CNTN4: variants seen among roughly 807,000 people sequenced by gnomAD.
The protein encoded by CNTN4 is contactin 4, also known as contactin-4.
A neutral mutation model predicts 122.5 loss-of-function variants in CNTN4; 77 were observed. That is an observed-to-expected ratio of 0.63 (90% CI 0.52 to 0.76). The LOEUF (loss-of-function observed/expected upper bound fraction) is 0.76, where lower values mean the gene tolerates loss of function less well. Ranked by LOEUF, CNTN4 falls within the 30% of genes least tolerant of loss-of-function variation. The pLI, the probability that CNTN4 is intolerant of heterozygous loss-of-function variation, is 0.00. For synonymous variants in CNTN4, 512 were observed against 447.0 expected (o/e 1.15, Z -1.83); for missense variants, 1,256 against 1,259.1 (o/e 1.00, Z 0.04).
rs1224967267 is a variant in CNTN4, at chr3:2,209,790, T to C, written c.-145+109151T>C. Among the ~76,000 whole-genome samples the C allele has an allele frequency of 3.9e-5, 6 of 152,148 alleles. No individual in the cohort carries two copies. In the East Asian group the frequency reaches 1.2e-3, roughly 29 times the overall value. ...GAAAATTTTAAGAATCAGTTGGCAA[T>C]TCCTGTGCTCCTTCTTTCCTCCTAT... On this transcript the variant is annotated intron_variant, in intron 2 of 24. Coordinates refer to ENST00000418658, the MANE Select transcript of CNTN4 (RefSeq NM_175607.3).
At chr3:2,174,064 C>T (rs954195337) in intron 2 of CNTN4, among the ~76,000 whole-genome samples, 13 of 152,058 alleles carry the variant, frequency 8.5e-5, no homozygotes, top group African/African-American at 2.2e-4. Flanking sequence ...AAATGAGTGT[C>T]GCTGAGCCTG....
intron 4 of CNTN4, among the ~76,000 whole-genome samples, chr3:2,628,029 A>G (rs191076717): frequency 9.9e-5 from 15 of 152,276 alleles, no homozygotes; most frequent in Middle Eastern, 3.4e-3. Flanking sequence ...GCTTCGTAGT[A>G]TAATTTGAGA....
chr3:2,587,212 C>T (rs959844284), intron 4 of CNTN4, among the ~76,000 whole-genome samples: 1 of 152,134 alleles, frequency 6.6e-6, no homozygotes, highest in African/African-American at 2.4e-5. Flanking sequence ...ATATGACACA[C>T]CACTCTCAGG....
At chr3:2,235,740 T>C (rs1219244948) in intron 2 of CNTN4, among the ~76,000 whole-genome samples, 3 of 152,186 alleles carry the variant, frequency 2.0e-5, no homozygotes, top group African/African-American at 7.2e-5. Flanking sequence ...GTATTATGCT[T>C]ATTCTTGGGC....
At chr3:2,798,389 C>CTATCTATCTATCTATCTATCTATCTATA (rs1475084704) in intron 6 of CNTN4, among the ~76,000 whole-genome samples, 1 of 150,668 alleles carries the variant, frequency 6.6e-6, no homozygotes, top group Non-Finnish European at 1.5e-5. Flanking sequence ...ATCTATCTAT[C>CTATCTATCTATCTATCTATCTATCTATA]TATATATCTA....
At chr3:2,723,103 T>C (rs900490627) in intron 4 of CNTN4, among the ~76,000 whole-genome samples, 2 of 152,192 alleles carry the variant, frequency 1.3e-5, no homozygotes, top group Admixed American at 1.3e-4. Flanking sequence ...TCCCACTATA[T>C]TTCTAGGTAA....
intron 12 of CNTN4, among the ~76,000 whole-genome samples, chr3:2,911,727 A>T (rs2094301939): frequency 6.6e-6 from 1 of 152,092 alleles, no homozygotes. Flanking sequence ...TATCAACGAG[A>T]TAAAAGATGA....
At chr3:2,902,086 G>T (rs546112965) in intron 11 of CNTN4, among the ~76,000 whole-genome samples, 1 of 152,246 alleles carries the variant, frequency 6.6e-6, no homozygotes, top group South Asian at 2.1e-4. Flanking sequence ...ATCTAGATTT[G>T]ATCAAAGTCT....
In CNTN4 at chr3:2,771,559, A is replaced by G. The variant is rs555716309; in HGVS notation, c.358+25862A>G. 2.6e-5 allele frequency among the ~76,000 whole-genome samples: 4 copies of G among 152,332 alleles called. No homozygotes were observed. In the South Asian group the frequency reaches 6.2e-4, roughly 24 times the overall value. On this transcript the variant is annotated intron_variant, in intron 6 of 24. Transcript: ENST00000418658. ...TATAATGGGGATGATGTGAGTATCA[A>G]TGGCCATTTTAAGGACCAATTGAGA...
intron 3 of CNTN4, among the ~76,000 whole-genome samples, chr3:2,568,094 A>G (rs559378562): frequency 5.9e-5 from 9 of 152,222 alleles, no homozygotes; most frequent in African/African-American, 2.2e-4. Context: ...GTTGAGCTGA[A>G]TTAGTACTGT....
chr3:2,866,358 A>G (rs1258567387), intron 7 of CNTN4: 2 of 424,696 alleles, frequency 4.7e-6, no homozygotes. Flanking sequence ...AATGATCTAA[A>G]TAGTTTCCAG....
intron 2 of CNTN4, among the ~76,000 whole-genome samples, chr3:2,328,406 A>C (rs1159133998): frequency 1.3e-5 from 2 of 152,170 alleles, no homozygotes; most frequent in African/African-American, 2.4e-5. Flanking sequence ...ACTCCGTCTC[A>C]AAAAATAAAA....
intron 2 of CNTN4, among the ~76,000 whole-genome samples, chr3:2,323,093 C>G (rs2043326275): frequency 6.6e-6 from 1 of 152,120 alleles, no homozygotes; most frequent in Non-Finnish European, 1.5e-5. Flanking sequence ...TCTCTTGCCT[C>G]TGGAGAGACT....
At chr3:3,030,642 A>G (rs991628237) in intron 15 of CNTN4, among the ~76,000 whole-genome samples, 1 of 152,196 alleles carries the variant, frequency 6.6e-6, no homozygotes, top group Non-Finnish European at 1.5e-5. Flanking sequence ...GAGAAGCCAG[A>G]CACCTGAGGT....
At chr3:2,395,477 C>T (rs2046607957) in intron 3 of CNTN4, among the ~76,000 whole-genome samples, 1 of 152,162 alleles carries the variant, frequency 6.6e-6, no homozygotes, top group African/African-American at 2.4e-5. Context: ...TCACATGGTA[C>T]ACTGTGCAGG....
At chr3:2,416,020 T>A (rs181250746) in intron 3 of CNTN4, among the ~76,000 whole-genome samples, 1 of 152,172 alleles carries the variant, frequency 6.6e-6, no homozygotes, top group East Asian at 1.9e-4. Flanking sequence ...CAATAGCCAT[T>A]TAATAAGCAT....
intron 23 of CNTN4, among the ~76,000 whole-genome samples, chr3:3,050,047 A>G (rs921500848): frequency 1.3e-5 from 2 of 152,078 alleles, no homozygotes; most frequent in Admixed American, 6.6e-5. Flanking sequence ...TAGAGAGCTG[A>G]CTCGCCCTTT....
intron 2 of CNTN4, among the ~76,000 whole-genome samples, chr3:2,320,946 T>C (rs1173770839): frequency 6.6e-6 from 1 of 152,130 alleles, no homozygotes; most frequent in Non-Finnish European, 1.5e-5. Flanking sequence ...CTGGAATTAC[T>C]ATCATTCCTA....
At chr3:2,444,548 G>A (rs889894829) in intron 3 of CNTN4, among the ~76,000 whole-genome samples, 1 of 152,188 alleles carries the variant, frequency 6.6e-6, no homozygotes, top group Non-Finnish European at 1.5e-5. Flanking sequence ...AATGGCGAGT[G>A]TAGAGGCTGA....
Sources: gnomAD v4.1 joint callset for allele counts (sites outside exome capture counted in the v4.1 genomes callset) on GRCh38, gnomAD v4.1.1 for gene constraint, MANE v1.5 for transcripts, NCBI Gene and HGNC (gene_info 2026-07-23, HGNC 2026-07-21) for gene names.